Variants in ADIG observed in about 807,000 individuals in gnomAD.
The protein encoded by ADIG is adipogenin.
ADIG carries 12 observed loss-of-function variants against 10.7 expected under a neutral mutation model. That is an observed-to-expected ratio of 1.12 (90% confidence interval 0.72 to 1.82). ADIG has a LOEUF of 1.82. ADIG is among the 40% of genes most tolerant of loss of function. The pLI, the probability that ADIG is intolerant of heterozygous loss-of-function variation, is 0.00. For missense variants in ADIG, 72 were observed against 92.5 expected (o/e 0.78, Z 0.91); for synonymous variants, 32 against 35.6 (o/e 0.90, Z 0.36).
At chr20:38,585,402 A>G (rs146067681) in intron 1 of ADIG, 2 of 1,547,932 alleles carry the variant, frequency 1.3e-6, no homozygotes, top group African/African-American at 1.4e-5. Context: ...AAGATCCTAC[A>G]TTTCTTTTTA....
intron 1 of ADIG, among the ~76,000 whole-genome samples, chr20:38,582,396 AAAG>A (rs1373610672): frequency 6.6e-6 from 1 of 152,168 alleles, no homozygotes; most frequent in Non-Finnish European, 1.5e-5. Flanking sequence ...TGTGTCAAAA[AAAG>A]GCCTCTTCGT....
chr20:38,581,621 G>T (rs528812976), intron 1 of ADIG, among the ~76,000 whole-genome samples: 1 of 138,892 alleles, frequency 7.2e-6, no homozygotes, highest in South Asian at 2.2e-4. Context: ...CCTAGAGTTT[G>T]AACCTAGAGT....
In ADIG at chr20:38,588,232, G is replaced by C; in HGVS notation, c.*146G>C. On this transcript the variant is annotated 3_prime_UTR_variant, in exon 3 of 3. Coordinates refer to ENST00000537425, the MANE Select transcript of ADIG (RefSeq NM_001393816.1). ...CCCCAACTCATCTCCTCTTCAGACC[G>C]ACATGTGAAAGCCTCCAGAGGTCCC... 7.7e-7 allele frequency: 1 copy of C among 1,304,474 alleles called. No homozygotes were observed. Among genetic ancestry groups the C allele is most frequent in the Non-Finnish European group, 1.0e-6 (1 of 988,964 alleles). 80.8% of individuals were successfully genotyped at this position (1,304,474 alleles called of 1,614,324 possible).
Position 38,586,482 on chromosome 20 carries a change from C to T in ADIG, c.*14+321C>T, listed in dbSNP as rs774356416. Among the ~76,000 whole-genome samples, 27 of 152,336 alleles carry T rather than the reference C, an allele frequency of 1.8e-4. No homozygotes were observed. In the South Asian group the frequency reaches 3.9e-3, roughly 22 times the overall value. On this transcript the variant is annotated intron_variant, in intron 2 of 2. Transcript: ENST00000537425. ...CTCAGACGTCTGCGTGGGGCACTCC[C>T]TCCCCTCTGAGGGCTTGCTCTAATG...
chr20:38,586,138 C>T lies in ADIG; in HGVS notation c.234C>T (p.Pro78=), dbSNP rs534839834. Residue 78 remains proline (P), a synonymous_variant, in exon 2 of 3, where the codon CCC becomes CCT. Coordinates refer to ENST00000537425, the MANE Select transcript of ADIG (RefSeq NM_001393816.1). ...GTLHGQEKER[P]CW ...TCCACGGCCAAGAGAAGGAGAGGCC[C>T]TGCTGGTGAGCCTGCTGTGCCAGGT... 4.3e-5 allele frequency: 68 copies of T among 1,592,836 alleles called. No individual in the cohort carries two copies. The South Asian group carries it at 6.3e-4, about 15-fold the overall frequency.
chr20:38,585,034 C>T (rs2088624042), intron 1 of ADIG, among the ~76,000 whole-genome samples: 1 of 152,216 alleles, frequency 6.6e-6, no homozygotes, highest in Non-Finnish European at 1.5e-5. Context: ...CTTGGCCTCC[C>T]AAAGTGCTGG....
At chr20:38,587,966 G>A in intron 2 of ADIG, 135 bp from the exon 3 acceptor site, 2 of 1,075,078 alleles carry the variant, frequency 1.9e-6, no homozygotes, top group Non-Finnish European at 2.4e-6. Context: ...TTGAACTCCT[G>A]ACCTTAGATG....
intron 1 of ADIG, among the ~76,000 whole-genome samples, chr20:38,583,479 C>G (rs565618083): frequency 6.6e-6 from 1 of 152,194 alleles, no homozygotes; most frequent in Non-Finnish European, 1.5e-5. Context: ...CTTCAGTGGT[C>G]GATGCATATC....
chr20:38,588,236 T>C lies in ADIG; in HGVS notation c.*150T>C, dbSNP rs1405429227. On this transcript the variant is annotated 3_prime_UTR_variant, in exon 3 of 3. Coordinates refer to ENST00000537425, the MANE Select transcript of ADIG (RefSeq NM_001393816.1). ...AACTCATCTCCTCTTCAGACCGACA[T>C]GTGAAAGCCTCCAGAGGTCCCAGCC... 2.3e-6 allele frequency: 3 copies of C among 1,304,274 alleles called. No individual in the cohort carries two copies. Among genetic ancestry groups the C allele is most frequent in the South Asian group, 1.2e-5 (1 of 81,022 alleles). 80.8% of individuals were successfully genotyped at this position (1,304,274 alleles called of 1,614,324 possible).
At chr20:38,585,216 T>C (rs2088625901) in intron 1 of ADIG, among the ~76,000 whole-genome samples, 1 of 152,252 alleles carries the variant, frequency 6.6e-6, no homozygotes, top group Admixed American at 6.5e-5. Context: ...AAAACCTTTG[T>C]TACTTCTCTG....
intron 1 of ADIG, chr20:38,585,372 C>A: frequency 6.5e-7 from 1 of 1,529,956 alleles, no homozygotes; most frequent in Non-Finnish European, 8.9e-7. Flanking sequence ...AATGGTGCAG[C>A]ATTTGCTTTT....
At chr20:38,585,991 T>C in intron 1 of ADIG, 38 bp from the exon 2 acceptor site, 3 of 1,557,344 alleles carry the variant, frequency 1.9e-6, no homozygotes, top group Non-Finnish European at 2.6e-6. Flanking sequence ...GGAGACAGGA[T>C]GTGACCATCC....
chr20:38,586,300 T>C (rs1246906287), intron 2 of ADIG, 139 bp downstream of exon 2: 1 of 659,818 alleles, frequency 1.5e-6, no homozygotes, highest in African/African-American at 1.8e-5. Flanking sequence ...CTCTCCAGCA[T>C]GTGAGAGCCT....
intron 2 of ADIG, among the ~76,000 whole-genome samples, chr20:38,587,171 T>C (rs1448355873): frequency 6.6e-6 from 1 of 152,276 alleles, no homozygotes. Flanking sequence ...TGTGGATTGA[T>C]TCTGTTGCCC....
chr20:38,585,059 G>A (rs1471703975), intron 1 of ADIG, among the ~76,000 whole-genome samples: 1 of 152,220 alleles, frequency 6.6e-6, no homozygotes, highest in East Asian at 1.9e-4. Flanking sequence ...ACAGGCGTGA[G>A]CCACTGTGCC....
At chr20:38,585,702 G>A in intron 1 of ADIG, 1 of 666,528 alleles carries the variant, frequency 1.5e-6, no homozygotes, top group Admixed American at 2.9e-5. Context: ...TGGACTAGTG[G>A]CCTGGATGGG....
intron 1 of ADIG, among the ~76,000 whole-genome samples, chr20:38,583,176 A>T (rs2088603463): frequency 6.6e-6 from 1 of 152,226 alleles, no homozygotes; most frequent in Non-Finnish European, 1.5e-5. Context: ...CACTGACTAT[A>T]TACCAGACCT....
At chr20:38,587,182 G>A (rs181986778) in intron 2 of ADIG, among the ~76,000 whole-genome samples, 1 of 152,148 alleles carries the variant, frequency 6.6e-6, no homozygotes, top group Admixed American at 6.5e-5. Context: ...TCTGTTGCCC[G>A]AGTCACGAAC....
In ADIG at chr20:38,581,260, C is replaced by T; in HGVS notation, c.10C>T (p.Pro4Ser). 6.2e-7 allele frequency: 1 copy of T among 1,612,294 alleles called. No individual in the cohort carries two copies. The highest frequency in any genetic ancestry group is 8.5e-7 in the Non-Finnish European group (1 of 1,179,254). ...TAGCCACACATGCGCCATGAAGTAC[C>T]CTTTGATGCCGCTGGTGAACGACCT... MKY[P>S]LMPLVNDLTF... Residue 4 changes from proline (P) to serine (S), a missense_variant, in exon 1 of 3, where the codon CCT (proline) becomes TCT (serine). Coordinates refer to ENST00000537425, the MANE Select transcript of ADIG (RefSeq NM_001393816.1).
Sources: allele counts gnomAD v4.1 joint callset (sites outside exome capture counted in the v4.1 genomes callset), GRCh38; gene constraint gnomAD v4.1.1; transcripts MANE v1.5; gene names NCBI Gene and HGNC (gene_info 2026-07-23, HGNC 2026-07-21).